Variants in HS1BP3 observed in about 807,000 individuals in gnomAD.
The protein encoded by HS1BP3 is HCLS1-binding protein 3.
Under a neutral mutation model 33.5 loss-of-function variants are expected in HS1BP3, and 32 were observed. The observed-to-expected ratio is 0.95, with a 90% CI of 0.72 to 1.28. The LOEUF (loss-of-function observed/expected upper bound fraction) is 1.28, where lower values mean the gene tolerates loss of function less well. HS1BP3 is among the 50% of genes most tolerant of loss of function. The pLI, the probability that HS1BP3 is intolerant of heterozygous loss-of-function variation, is 0.00. For synonymous variants in HS1BP3, 187 were observed against 209.2 expected (o/e 0.89, Z 0.92); for missense variants, 486 against 502.3 (o/e 0.97, Z 0.31).
downstream of HS1BP3, among the ~76,000 whole-genome samples, chr2:20,616,086 A>T (rs1694418914): frequency 6.6e-6 from 1 of 152,232 alleles, no homozygotes; most frequent in East Asian, 1.9e-4. Flanking sequence ...CCATGGGCTC[A>T]CAACAGGCTT....
intron 4 of HS1BP3, among the ~76,000 whole-genome samples, chr2:20,632,968 C>CT (rs1190802481): frequency 1.7e-4 from 26 of 152,104 alleles, no homozygotes; most frequent in African/African-American, 5.8e-4. Context: ...ACAAAGACCT[C>CT]TTTAGAGCAA....
chr2:20,577,413 T>C (rs995205764), intron 5 of HS1BP3, among the ~76,000 whole-genome samples: 8 of 152,094 alleles, frequency 5.3e-5, no homozygotes, highest in Non-Finnish European at 7.4e-5. Flanking sequence ...TGGGGTTGTT[T>C]TACCCCAAGG....
intron 5 of HS1BP3, among the ~76,000 whole-genome samples, chr2:20,566,962 C>T (rs1260839058): frequency 2.0e-5 from 3 of 152,092 alleles, no homozygotes; most frequent in African/African-American, 7.2e-5. Flanking sequence ...CTTCTAGCCC[C>T]TGAACCCCTG....
chr2:20,565,043 T>C (rs1693092824), intron 5 of HS1BP3, among the ~76,000 whole-genome samples: 1 of 152,136 alleles, frequency 6.6e-6, no homozygotes, highest in Non-Finnish European at 1.5e-5. Flanking sequence ...CAGACTGGGA[T>C]CATGGCCTTA....
chr2:20,591,821 C>T (rs1422002586), downstream of HS1BP3, among the ~76,000 whole-genome samples: 1 of 152,218 alleles, frequency 6.6e-6, no homozygotes, highest in Non-Finnish European at 1.5e-5. Context: ...ACCTCTGCCT[C>T]CCAAAGTGCT....
At chr2:20,624,426 C>T (rs58696000) in intron 5 of HS1BP3, among the ~76,000 whole-genome samples, 2,107 of 152,276 alleles carry the variant, frequency 0.014, 39 homozygotes, top group African/African-American at 0.046. Context: ...TTTCCCTCTG[C>T]CAACTCTGCA....
At chr2:20,565,551 G>A (rs1267019792) in intron 5 of HS1BP3, among the ~76,000 whole-genome samples, 5 of 152,246 alleles carry the variant, frequency 3.3e-5, no homozygotes, top group African/African-American at 4.8e-5. Context: ...GCAGCCATCT[G>A]TAGCCTCCCA....
intron 4 of HS1BP3, among the ~76,000 whole-genome samples, chr2:20,631,542 A>G (rs1694968893): frequency 8.8e-6 from 1 of 113,786 alleles, no homozygotes; most frequent in African/African-American, 3.3e-5. Flanking sequence ...AAAAAAAAAA[A>G]AAAAAAAAAA....
At chr2:20,571,715 C>T (rs4666426) in intron 5 of HS1BP3, among the ~76,000 whole-genome samples, 100,410 of 152,096 alleles carry the variant, frequency 0.66, 38,068 homozygotes, top group East Asian at 0.85. Flanking sequence ...TGCCTTGGGC[C>T]CATGCTCACC....
At chr2:20,571,485 C>T (rs1693273000) in intron 5 of HS1BP3, among the ~76,000 whole-genome samples, 1 of 152,242 alleles carries the variant, frequency 6.6e-6, no homozygotes. Flanking sequence ...TTTTCCTGTG[C>T]CTCGGCATTT....
At chr2:20,597,115 GC>G (rs1572320481) in intron 3 of HS1BP3, among the ~76,000 whole-genome samples, 1 of 152,188 alleles carries the variant, frequency 6.6e-6, no homozygotes, top group Non-Finnish European at 1.5e-5. Flanking sequence ...TTATGACATG[GC>G]CTCAGAACAT....
At chr2:20,648,198 A>T (rs1245280211) in intron 1 of HS1BP3, among the ~76,000 whole-genome samples, 1 of 151,776 alleles carries the variant, frequency 6.6e-6, no homozygotes, top group African/African-American at 2.4e-5. Flanking sequence ...TGCTCTGACC[A>T]CTCATGTAAC....
chr2:20,619,737 G>A (rs972589112), intron 6 of HS1BP3, among the ~76,000 whole-genome samples: 25 of 152,240 alleles, frequency 1.6e-4, no homozygotes, highest in Admixed American at 1.2e-3. Context: ...GAGTGACCTC[G>A]AGGGGATGGT....
downstream of HS1BP3, among the ~76,000 whole-genome samples, chr2:20,614,611 C>A (rs13027694): frequency 0.24 from 36,092 of 152,212 alleles, 5,085 homozygotes; most frequent in Non-Finnish European, 0.32. Flanking sequence ...ACGGTAGGTG[C>A]CCATTACGTG....
At chr2:20,642,180 A>G (rs1255075195) in intron 2 of HS1BP3, among the ~76,000 whole-genome samples, 1 of 152,194 alleles carries the variant, frequency 6.6e-6, no homozygotes, top group East Asian at 1.9e-4. Flanking sequence ...TTATGCTCCC[A>G]GGCCCGGACT....
chr2:20,582,773 C>A (rs1452549055), intron 5 of HS1BP3, among the ~76,000 whole-genome samples: 11 of 152,182 alleles, frequency 7.2e-5, no homozygotes, highest in African/African-American at 1.7e-4. Context: ...GCTCGCTGGG[C>A]TCAGCTCATC....
chr2:20,577,674 A>G (rs1693433166), intron 5 of HS1BP3, among the ~76,000 whole-genome samples: 1 of 152,148 alleles, frequency 6.6e-6, no homozygotes, highest in Non-Finnish European at 1.5e-5. Flanking sequence ...GAGGGTCCAG[A>G]GATGGAGGCA....
At chr2:20,563,473 C>T (rs1338657782) in intron 5 of HS1BP3, among the ~76,000 whole-genome samples, 1 of 152,254 alleles carries the variant, frequency 6.6e-6, no homozygotes, top group Non-Finnish European at 1.5e-5. Flanking sequence ...GATGGGGCCA[C>T]TACTGGTCCG....
intron 5 of HS1BP3, among the ~76,000 whole-genome samples, chr2:20,585,171 T>C (rs1259989923): frequency 6.6e-6 from 1 of 152,186 alleles, no homozygotes; most frequent in Non-Finnish European, 1.5e-5. Flanking sequence ...CAGAGCTCTC[T>C]GTTGACAAGT....
Sources: allele counts gnomAD v4.1 joint callset (sites outside exome capture counted in the v4.1 genomes callset), GRCh38; gene constraint gnomAD v4.1.1; transcripts MANE v1.5; gene names NCBI Gene and HGNC (gene_info 2026-07-23, HGNC 2026-07-21).